DNAH17: variants seen among roughly 807,000 people sequenced by gnomAD.
The protein encoded by DNAH17 is dynein axonemal heavy chain 17, also known as axonemal beta dynein heavy chain 17.
In DNAH17, 376 loss-of-function variants were observed where a neutral mutation model predicts 485.6. The ratio of observed to expected loss-of-function variants is 0.77; its 90% CI spans 0.71 to 0.84. DNAH17 has a LOEUF of 0.84. Among genes scored for constraint, DNAH17 ranks in the 40% least tolerant of loss-of-function variants. The pLI is 0.00. For missense variants in DNAH17, 6,370 were observed against 5,839.3 expected, an observed-to-expected ratio of 1.09 and a Z score of -2.96; for synonymous variants, 3,031 against 2,405.9, an observed-to-expected ratio of 1.26 and a Z score of -7.60.
rs1568044933 is a variant in DNAH17 at position 78,433,943 on chromosome 17, G to GGGAGGGAA, written c.12225+78_12225+85dup. 5.2e-6 allele frequency: 5 copies of GGGAGGGAA among 954,576 alleles called. No individual in the cohort carries two copies. The African/African-American group carries it at 7.0e-5, about 13-fold the overall frequency. The allele number at this position is 954,576 out of a possible 1,614,324, so 59.1% of individuals were successfully genotyped here. ...AGGGAAGGAAGGAGGGAGGGAAGGA[G>GGGAGGGAA]GGAGGGAAGGAGGGAGGGAAGGAGG... On this transcript the variant is annotated intron_variant, in intron 75 of 80. Transcript: ENST00000389840.
intron 11 of DNAH17, among the ~76,000 whole-genome samples, chr17:78,565,251 T>A (rs74718528): frequency 6.6e-6 from 1 of 152,234 alleles, no homozygotes; most frequent in Admixed American, 6.5e-5. Flanking sequence ...CAAGTCAGCC[T>A]CATCTTGCTT....
chr17:78,564,448 C>A (rs139715557), intron 11 of DNAH17, among the ~76,000 whole-genome samples: 5 of 152,034 alleles, frequency 3.3e-5, no homozygotes, highest in African/African-American at 1.2e-4. Flanking sequence ...GTGCAGGAGC[C>A]ACAGAAGCCA....
chr17:78,502,829 G>C (rs2090346647), intron 32 of DNAH17, 57 bp downstream of exon 32: 3 of 1,595,274 alleles, frequency 1.9e-6, no homozygotes, highest in Non-Finnish European at 2.6e-6. Context: ...TGAACGCAAA[G>C]AAACTCGCCC....
rs554936198 is a variant in DNAH17 at position 78,479,457 on chromosome 17, G to A, written c.7900+28C>T. 2.6e-4 allele frequency: 406 copies of A among 1,585,804 alleles called. 2 individuals are homozygous for A. The South Asian group carries it at 4.2e-3, about 16-fold the overall frequency. ...CACAGAGCCATAGGTTTTACCGATG[G>A]GAGAGGGGATGAGGCCAGCCAGCTT... is the stretch of plus-strand genomic sequence containing the variant. On this transcript the variant is annotated intron_variant, in intron 50 of 80. Coordinates refer to ENST00000389840, the MANE Select transcript of DNAH17 (RefSeq NM_173628.4).
chr17:78,545,479 T>C (rs557325046), intron 16 of DNAH17, among the ~76,000 whole-genome samples: 3 of 152,254 alleles, frequency 2.0e-5, no homozygotes, highest in East Asian at 1.9e-4. Flanking sequence ...GGGCAGATGA[T>C]GATGGCCGCC....
chr17:78,455,912 A>T, intron 62 of DNAH17, 76 bp from the exon 63 acceptor site: 1 of 1,239,826 alleles, frequency 8.1e-7, no homozygotes. Context: ...CCACCTCTGC[A>T]CCTCTGTGAA....
chr17:78,515,159 T>A, intron 25 of DNAH17, 137 bp from the exon 26 acceptor site: 1 of 1,036,608 alleles, frequency 9.6e-7, no homozygotes, highest in Non-Finnish European at 1.4e-6. Flanking sequence ...CCGAGATCAG[T>A]AAAGTGATTA....
chr17:78,473,815 A>T (rs1228035078), intron 54 of DNAH17, among the ~76,000 whole-genome samples: 1 of 152,208 alleles, frequency 6.6e-6, no homozygotes, highest in Non-Finnish European at 1.5e-5. Flanking sequence ...AGAGACTTCA[A>T]TGGAGAAAGC....
At chr17:78,521,017 GAC>G (rs931814549) in intron 25 of DNAH17, among the ~76,000 whole-genome samples, 4 of 152,296 alleles carry the variant, frequency 2.6e-5, no homozygotes, top group African/African-American at 9.6e-5. Context: ...ATCATGGAGG[GAC>G]AGACACGAAG....
At chr17:78,451,390 T>C (rs1340654634) in intron 66 of DNAH17, 79 bp downstream of exon 66, 6 of 1,374,568 alleles carry the variant, frequency 4.4e-6, no homozygotes, top group Admixed American at 2.2e-5. Flanking sequence ...GCAGCCCTGG[T>C]CGGGGACCCT....
chr17:78,558,968 C>T (rs963533515), intron 13 of DNAH17, among the ~76,000 whole-genome samples: 12 of 152,230 alleles, frequency 7.9e-5, no homozygotes, highest in African/African-American at 2.7e-4. Flanking sequence ...GTCCTCCTGG[C>T]TTCCAGGACA....
chr17:78,436,239 C>T (rs1352391129), intron 74 of DNAH17, among the ~76,000 whole-genome samples: 1 of 152,112 alleles, frequency 6.6e-6, no homozygotes, highest in Admixed American at 6.5e-5. Context: ...CCAGCGTGGC[C>T]AACATGGTGA....
chr17:78,470,069 C>CTTTTTTTTTTT (rs34298026), intron 54 of DNAH17, among the ~76,000 whole-genome samples: 1 of 93,366 alleles, frequency 1.1e-5, no homozygotes. Flanking sequence ...ATGTCTTACT[C>CTTTTTTTTTTT]TTTTTTTTTT....
At chr17:78,490,322 G>A (rs185731480) in intron 44 of DNAH17, among the ~76,000 whole-genome samples, 1 of 152,266 alleles carries the variant, frequency 6.6e-6, no homozygotes, top group Admixed American at 6.5e-5. Flanking sequence ...GTGAACGCGG[G>A]TTCTTGTCTG....
chr17:78,472,301 G>GGGGTGCGAGGGTTAGGGTTAGGGAGTGC (rs1255420952), intron 54 of DNAH17, among the ~76,000 whole-genome samples: 1 of 150,810 alleles, frequency 6.6e-6, no homozygotes, highest in Admixed American at 6.6e-5. Context: ...TTAGGGAGTG[G>GGGGTGCGAGGGTTAGGGTTAGGGAGTGC]GGGTGCGAGG....
At chr17:78,571,140 C>T (rs1212649599) in intron 5 of DNAH17, 107 bp from the exon 6 acceptor site, 25 of 1,288,008 alleles carry the variant, frequency 1.9e-5, no homozygotes, top group Non-Finnish European at 2.3e-5. Flanking sequence ...GGAAATGGGG[C>T]CTTTCTCAAG....
intron 3 of DNAH17, 131 bp downstream of exon 3, chr17:78,572,570 G>T: frequency 1.1e-6 from 1 of 876,200 alleles, no homozygotes; most frequent in Non-Finnish European, 1.7e-6. Context: ...GCATTTCCCC[G>T]GCTTTAACAT....
At chr17:78,572,144 T>C (rs2092367531) in intron 3 of DNAH17, among the ~76,000 whole-genome samples, 1 of 152,144 alleles carries the variant, frequency 6.6e-6, no homozygotes, top group South Asian at 2.1e-4. Flanking sequence ...GTGGAGGACT[T>C]GCCCACGTGA....
At position 78,453,329 on chromosome 17, in the gene DNAH17, C is replaced by G. The variant is rs777856092; in HGVS notation, c.10529+14G>C. 1.9e-6 allele frequency: 3 copies of G among 1,611,854 alleles called. No individual in the cohort carries two copies. The South Asian group carries it at 3.3e-5, about 18-fold the overall frequency. On this transcript the variant is annotated intron_variant, in intron 65 of 80. Transcript: ENST00000389840. ...GTTTACCTGGCTCAAGCCACGGAGG[C>G]GGAAACAACTCACTTTCCCTTTTTA... is the stretch of plus-strand genomic sequence containing the variant.
Sources: allele counts gnomAD v4.1 joint callset (sites outside exome capture counted in the v4.1 genomes callset), GRCh38; gene constraint gnomAD v4.1.1; transcripts MANE v1.5; gene names NCBI Gene and HGNC (gene_info 2026-07-23, HGNC 2026-07-21).